NDUFS4: variants seen among roughly 807,000 people sequenced by gnomAD.
The protein encoded by NDUFS4 is NADH:ubiquinone oxidoreductase subunit S4.
In NDUFS4, 28 loss-of-function variants were observed where a neutral mutation model predicts 24.3. The ratio of observed to expected loss-of-function variants is 1.15; its 90% CI spans 0.85 to 1.58. The LOEUF (loss-of-function observed/expected upper bound fraction) is 1.58, where lower values mean the gene tolerates loss of function less well. Among genes scored for constraint, NDUFS4 ranks in the 40% most tolerant of loss-of-function variants. The probability of loss-of-function intolerance (pLI) is 0.00; values close to 1 mark genes in which losing one functional copy is unlikely to be tolerated. For missense variants in NDUFS4, 223 were observed against 207.9 expected (o/e 1.07, Z -0.45); for synonymous variants, 93 against 69.7 (o/e 1.34, Z -1.67).
At chr5:53,621,690 ATTTTTTTT>A (rs58169759) in intron 2 of NDUFS4, among the ~76,000 whole-genome samples, 54 of 81,558 alleles carry the variant, frequency 6.6e-4, no homozygotes, top group Middle Eastern at 8.3e-3. Flanking sequence ...CTCATAGTAA[ATTTTTTTT>A]TTTTTTTTTT....
At chr5:53,563,269 C>T (rs1748916392) in intron 1 of NDUFS4, among the ~76,000 whole-genome samples, 1 of 150,098 alleles carries the variant, frequency 6.7e-6, no homozygotes, top group Non-Finnish European at 1.5e-5. Flanking sequence ...AGGAAGGATG[C>T]TGTTAGCTGC....
chr5:53,608,272 G>A (rs547450080), intron 2 of NDUFS4, among the ~76,000 whole-genome samples: 1 of 152,232 alleles, frequency 6.6e-6, no homozygotes, highest in African/African-American at 2.4e-5. Flanking sequence ...GAGCCTTTAG[G>A]GAATCGTAAT....
chr5:53,622,107 T>A, intron 2 of NDUFS4, among the ~76,000 whole-genome samples: 1 of 152,216 alleles, frequency 6.6e-6, no homozygotes, highest in East Asian at 1.9e-4. Flanking sequence ...TTGCTCTTAA[T>A]TATTATACTT....
At chr5:53,562,281 C>T (rs2112400799) in intron 1 of NDUFS4, among the ~76,000 whole-genome samples, 1 of 152,118 alleles carries the variant, frequency 6.6e-6, no homozygotes, top group East Asian at 1.9e-4. Flanking sequence ...ATAGCGGTGA[C>T]CAAGATTAGC....
At chr5:53,583,366 CAGAA>C (rs1395333360) in intron 1 of NDUFS4, among the ~76,000 whole-genome samples, 2 of 152,096 alleles carry the variant, frequency 1.3e-5, no homozygotes, top group African/African-American at 4.8e-5. Context: ...GGAGTCCTGT[CAGAA>C]AGACAGCTTT....
chr5:53,586,082 A>G (rs1561343863), intron 1 of NDUFS4, among the ~76,000 whole-genome samples: 1 of 152,036 alleles, frequency 6.6e-6, no homozygotes, highest in African/African-American at 2.4e-5. Context: ...TAATCCCAGC[A>G]CTTTCGGAGG....
chr5:53,649,154 C>G (rs918649983), intron 3 of NDUFS4, among the ~76,000 whole-genome samples: 1 of 152,156 alleles, frequency 6.6e-6, no homozygotes, highest in Non-Finnish European at 1.5e-5. Flanking sequence ...TCCCCCTGTT[C>G]ATGGAAATTT....
intron 1 of NDUFS4, among the ~76,000 whole-genome samples, chr5:53,570,620 C>T (rs903554444): frequency 2.6e-5 from 4 of 151,966 alleles, no homozygotes; most frequent in Admixed American, 6.6e-5. Context: ...TGCTTTTCAC[C>T]AGCACCATAT....
At chr5:53,607,341 A>C (rs994120597) in intron 2 of NDUFS4, among the ~76,000 whole-genome samples, 5 of 152,190 alleles carry the variant, frequency 3.3e-5, no homozygotes, top group African/African-American at 1.2e-4. Flanking sequence ...GTTCTATAAA[A>C]ATTCTAACAT....
At chr5:53,619,931 A>T (rs903691511) in intron 2 of NDUFS4, among the ~76,000 whole-genome samples, 1 of 152,176 alleles carries the variant, frequency 6.6e-6, no homozygotes. Flanking sequence ...GCTAGAATGA[A>T]CATCTTTATA....
At chr5:53,623,180 T>G (rs1481243104) in intron 2 of NDUFS4, among the ~76,000 whole-genome samples, 1 of 152,222 alleles carries the variant, frequency 6.6e-6, no homozygotes, top group Non-Finnish European at 1.5e-5. Context: ...GTTGAGCATT[T>G]TGAGGAACTA....
At chr5:53,646,807 TGTAA>T (rs1026361513) in intron 3 of NDUFS4, among the ~76,000 whole-genome samples, 6 of 152,192 alleles carry the variant, frequency 3.9e-5, no homozygotes, top group African/African-American at 7.2e-5. Context: ...TCTTATAGTA[TGTAA>T]GTGTTATAAT....
At chr5:53,568,586 T>C (rs1358547487) in intron 1 of NDUFS4, among the ~76,000 whole-genome samples, 1 of 152,190 alleles carries the variant, frequency 6.6e-6, no homozygotes, top group Admixed American at 6.5e-5. Flanking sequence ...AAAGGCATTT[T>C]GATAATTTTG....
intron 1 of NDUFS4, among the ~76,000 whole-genome samples, chr5:53,579,200 G>A (rs1014061327): frequency 6.6e-6 from 1 of 151,996 alleles, no homozygotes; most frequent in Non-Finnish European, 1.5e-5. Context: ...ATTATCTTTT[G>A]CCCATTCATT....
intron 2 of NDUFS4, among the ~76,000 whole-genome samples, chr5:53,612,469 CTTT>C (rs34879648): frequency 1.1e-4 from 16 of 152,144 alleles, no homozygotes; most frequent in Admixed American, 8.5e-4. Context: ...TATTTCAAAA[CTTT>C]TTTGAGAAAT....
At chr5:53,676,660 T>C (rs1374643162) in intron 4 of NDUFS4, among the ~76,000 whole-genome samples, 1 of 152,074 alleles carries the variant, frequency 6.6e-6, no homozygotes, top group East Asian at 1.9e-4. Context: ...GCACAAAAAG[T>C]ATGCTTGTTT....
chr5:53,600,090 C>A (rs1029556177), intron 1 of NDUFS4, among the ~76,000 whole-genome samples: 4 of 151,884 alleles, frequency 2.6e-5, no homozygotes, highest in South Asian at 2.1e-4. Flanking sequence ...GCCTCCACCT[C>A]CCGGGTTCAA....
intron 1 of NDUFS4, among the ~76,000 whole-genome samples, chr5:53,589,980 A>T (rs1234406767): frequency 6.6e-6 from 1 of 152,090 alleles, no homozygotes; most frequent in Non-Finnish European, 1.5e-5. Context: ...ATACTTAATA[A>T]ACTCCCTTGT....
intron 2 of NDUFS4, among the ~76,000 whole-genome samples, chr5:53,615,682 G>C (rs1193454945): frequency 6.6e-6 from 1 of 151,932 alleles, no homozygotes; most frequent in African/African-American, 2.4e-5. Context: ...TTCAGTTGCT[G>C]TTTCATGTTT....
Sources: allele counts gnomAD v4.1 joint callset (sites outside exome capture counted in the v4.1 genomes callset), GRCh38; gene constraint gnomAD v4.1.1; transcripts MANE v1.5; gene names NCBI Gene and HGNC (gene_info 2026-07-23, HGNC 2026-07-21).